CFHR4: variants seen among roughly 807,000 people sequenced by gnomAD.
The protein encoded by CFHR4 is complement factor H-related protein 4.
Under a neutral mutation model 69.3 loss-of-function variants are expected in CFHR4, and 64 were observed. The ratio of observed to expected loss-of-function variants is 0.92; its 90% CI spans 0.76 to 1.14. CFHR4 has a LOEUF of 1.14. Among genes scored for constraint, CFHR4 ranks in the 50% most tolerant of loss-of-function variants. The probability of loss-of-function intolerance (pLI) is 0.00; values close to 1 mark genes in which losing one functional copy is unlikely to be tolerated. For missense variants in CFHR4, 636 were observed against 684.9 expected, an observed-to-expected ratio of 0.93 and a Z score of 0.80; for synonymous variants, 244 against 237.0, an observed-to-expected ratio of 1.03 and a Z score of -0.27.
intron 9 of CFHR4, among the ~76,000 whole-genome samples, chr1:196,917,703 T>C (rs554616448): frequency 6.6e-6 from 1 of 151,680 alleles, no homozygotes; most frequent in East Asian, 1.9e-4. Flanking sequence ...GAGAGTTTTA[T>C]TTTAATAGAT....
intron 6 of CFHR4, 45 bp downstream of exon 6, chr1:196,910,523 G>C: frequency 6.8e-7 from 1 of 1,474,192 alleles, no homozygotes; most frequent in Non-Finnish European, 9.4e-7. Flanking sequence ...AACTTGCAAA[G>C]AATGGAGAGA....
intron 1 of CFHR4, among the ~76,000 whole-genome samples, chr1:196,900,418 C>T (rs1418688799): frequency 1.3e-5 from 2 of 148,546 alleles, no homozygotes; most frequent in Non-Finnish European, 3.0e-5. Context: ...GTGGCTCAAG[C>T]TTGTGGTATT....
At position 196,902,409 on chromosome 1, in the gene CFHR4, T is replaced by C; in HGVS notation, c.59-9T>C. 1.3e-6 allele frequency: 2 copies of C among 1,580,776 alleles called. No individual in the cohort carries two copies. Among genetic ancestry groups the C allele is most frequent in the Non-Finnish European group, 1.7e-6 (2 of 1,159,460 alleles). ...ATTATTTATACTGTTTTTTGTTTTT[T>C]ATTACAAGAAGTGAAACCTTGTGAT... On this transcript the variant is annotated splice_polypyrimidine_tract_variant and intron_variant, in intron 1 of 9. Transcript: ENST00000608469.
chr1:196,914,280 T>C (rs1658448639), intron 7 of CFHR4, among the ~76,000 whole-genome samples: 1 of 151,478 alleles, frequency 6.6e-6, no homozygotes, highest in Non-Finnish European at 1.5e-5. Flanking sequence ...TCACAGGATT[T>C]GAATGATAAG....
At chr1:196,892,342 TGTAATCCCA>T (rs1410858250) in intron 1 of CFHR4, among the ~76,000 whole-genome samples, 2 of 151,526 alleles carry the variant, frequency 1.3e-5, no homozygotes, top group African/African-American at 2.4e-5. Context: ...TTATGGTTGC[TGTAATCCCA>T]GAAGAAAATG....
intron 1 of CFHR4, among the ~76,000 whole-genome samples, chr1:196,897,340 A>C (rs1187953775): frequency 6.6e-6 from 1 of 151,394 alleles, no homozygotes; most frequent in Non-Finnish European, 1.5e-5. Flanking sequence ...ACAGACGCCC[A>C]AGTGGACGCG....
intron 1 of CFHR4, among the ~76,000 whole-genome samples, chr1:196,894,630 C>T (rs2124937719): frequency 6.6e-6 from 1 of 151,488 alleles, no homozygotes. Context: ...AACATATTGG[C>T]CCAATGCCTC....
intron 4 of CFHR4, 92 bp downstream of exon 4, chr1:196,907,129 T>C (rs1030194805): frequency 4.7e-6 from 6 of 1,277,766 alleles, no homozygotes; most frequent in Middle Eastern, 2.2e-4. Context: ...TGAATACATA[T>C]GTGTACATAT....
At chr1:196,889,252 C>T (rs577227814) in intron 1 of CFHR4, among the ~76,000 whole-genome samples, 6 of 151,430 alleles carry the variant, frequency 4.0e-5, no homozygotes, top group East Asian at 3.9e-4. Context: ...TCACATGATT[C>T]GCTAGTTTTA....
chr1:196,905,512 C>T (rs778965640), intron 3 of CFHR4, among the ~76,000 whole-genome samples: 1 of 151,422 alleles, frequency 6.6e-6, no homozygotes, highest in Non-Finnish European at 1.5e-5. Flanking sequence ...TTCAATTTGC[C>T]TTTACGTAAA....
chr1:196,905,992 T>C (rs1013207422), intron 3 of CFHR4, among the ~76,000 whole-genome samples: 4 of 151,602 alleles, frequency 2.6e-5, no homozygotes, highest in African/African-American at 9.7e-5. Context: ...AGTTTATCTT[T>C]TTTGTCTTTC....
At chr1:196,903,458 G>A (rs35762507) in intron 2 of CFHR4, among the ~76,000 whole-genome samples, 29,978 of 150,408 alleles carry the variant, frequency 0.2, 4,517 homozygotes, top group African/African-American at 0.4. Context: ...TTCAAGACCA[G>A]CCTGGTCAAC....
intron 9 of CFHR4, among the ~76,000 whole-genome samples, chr1:196,917,644 T>TG (rs1305985387): frequency 4.0e-5 from 6 of 151,010 alleles, no homozygotes; most frequent in Admixed American, 1.3e-4. Context: ...GAGAGATAAT[T>TG]GACAGATATT....
chr1:196,888,295 A>T, intron 1 of CFHR4, 87 bp downstream of exon 1: 1 of 1,309,606 alleles, frequency 7.6e-7, no homozygotes, highest in Non-Finnish European at 1.1e-6. Flanking sequence ...TAATTTTTTT[A>T]TAAATCTGAT....
rs1475059630 is a variant in CFHR4, at chr1:196,890,880, G to A, written c.58+2672G>A. On this transcript the variant is annotated intron_variant, in intron 1 of 9. Transcript: ENST00000608469. ...AATAACTTCTCTATGAAACTCCAGT[G>A]CCTTCTAGTGGGAGAAACGATTTTT... 2.0e-5 allele frequency among the ~76,000 whole-genome samples: 3 copies of A among 151,516 alleles called. No homozygotes were observed. The East Asian group carries it at 5.8e-4, about 29-fold the overall frequency.
At chr1:196,908,395 T>C (rs1658030899) in intron 5 of CFHR4, among the ~76,000 whole-genome samples, 1 of 151,578 alleles carries the variant, frequency 6.6e-6, no homozygotes, top group African/African-American at 2.4e-5. Context: ...TGAGAAGTTC[T>C]TTCTCTGATT....
chr1:196,910,414 A>T lies in CFHR4; in HGVS notation c.933A>T (p.Ser311=), dbSNP rs1200138292. 1 of 1,612,884 alleles carries T rather than the reference A, an allele frequency of 6.2e-7. No homozygotes were observed. Among genetic ancestry groups the T allele is most frequent in the South Asian group, 1.1e-5 (1 of 91,040 alleles). The change falls in exon 6 of 10, where the codon TCA becomes TCT. Residue 311 remains serine (S), a synonymous_variant. Transcript: ENST00000608469. ...YYCDQNFVTP[S]GSYWDYIHCT... is the part of the protein sequence containing the mutation. ...GTGACCAAAATTTTGTGACTCCTTC[A>T]GGAAGTTACTGGGATTACATTCACT...
At chr1:196,915,708 A>G (rs1461939686) in intron 9 of CFHR4, among the ~76,000 whole-genome samples, 1 of 151,578 alleles carries the variant, frequency 6.6e-6, no homozygotes, top group Non-Finnish European at 1.5e-5. Context: ...GAGAAAAAGA[A>G]AAAACCAAGA....
intron 1 of CFHR4, among the ~76,000 whole-genome samples, chr1:196,896,975 C>T (rs11585500): frequency 0.014 from 2,069 of 151,638 alleles, 47 homozygotes; most frequent in Non-Finnish European, 0.022. Flanking sequence ...TATAAATACG[C>T]TGTGTTGGTT....
Sources: gnomAD v4.1 joint callset for allele counts (sites outside exome capture counted in the v4.1 genomes callset) on GRCh38, gnomAD v4.1.1 for gene constraint, MANE v1.5 for transcripts, NCBI Gene and HGNC (gene_info 2026-07-23, HGNC 2026-07-21) for gene names.